The following BANP variants were observed in gnomAD, a reference collection of about 807,000 sequenced individuals.
The protein encoded by BANP is protein BANP.
In BANP, 11 loss-of-function variants were observed where a neutral mutation model predicts 68.1. The ratio of observed to expected loss-of-function variants is 0.16; its 90% CI spans 0.10 to 0.27. BANP has a LOEUF of 0.27. Ranked by LOEUF, BANP falls within the 10% of genes least tolerant of loss-of-function variation. The probability of loss-of-function intolerance (pLI) is 1.00; values close to 1 mark genes in which losing one functional copy is unlikely to be tolerated. For missense variants in BANP, 504 were observed against 722.7 expected, an observed-to-expected ratio of 0.70 and a Z score of 3.47; for synonymous variants, 329 against 303.2, an observed-to-expected ratio of 1.09 and a Z score of -0.88.
At chr16:87,988,255 T>A (rs1598151329) in intron 4 of BANP, among the ~76,000 whole-genome samples, 1 of 151,826 alleles carries the variant, frequency 6.6e-6, no homozygotes, top group Non-Finnish European at 1.5e-5. Context: ...CTTCTATGGA[T>A]TATTTATTTT....
At chr16:88,021,573 CG>C (rs1311450844) in intron 7 of BANP, among the ~76,000 whole-genome samples, 1 of 152,228 alleles carries the variant, frequency 6.6e-6, no homozygotes, top group Non-Finnish European at 1.5e-5. Context: ...CGTGCTTAGA[CG>C]GAATTGCTGA....
chr16:87,973,493 G>T (rs2145699155), intron 1 of BANP, among the ~76,000 whole-genome samples: 1 of 152,262 alleles, frequency 6.6e-6, no homozygotes, highest in East Asian at 1.9e-4. Context: ...GGGCGCGGTG[G>T]CTCACGCCTG....
At chr16:87,953,534 C>G (rs1274479217) in intron 1 of BANP, among the ~76,000 whole-genome samples, 2 of 152,196 alleles carry the variant, frequency 1.3e-5, no homozygotes, top group Non-Finnish European at 2.9e-5. Flanking sequence ...ACAGCCTTGT[C>G]TTTCTATTAC....
intron 11 of BANP, among the ~76,000 whole-genome samples, chr16:88,050,878 G>A (rs1477812824): frequency 2.0e-5 from 3 of 151,976 alleles, no homozygotes; most frequent in African/African-American, 7.3e-5. Flanking sequence ...ATAGAGACGG[G>A]GTTTTGCCCT....
chr16:88,019,288 G>A (rs2075328427), intron 7 of BANP, among the ~76,000 whole-genome samples: 1 of 152,136 alleles, frequency 6.6e-6, no homozygotes, highest in Non-Finnish European at 1.5e-5. Context: ...CCTTGCCAGC[G>A]TCCATGGTCC....
chr16:87,998,197 A>G (rs1188607319), intron 4 of BANP, among the ~76,000 whole-genome samples: 1 of 152,202 alleles, frequency 6.6e-6, no homozygotes, highest in African/African-American at 2.4e-5. Flanking sequence ...TCATTGGACG[A>G]ACAGAAGGAC....
rs553685090 is a variant in BANP, at chr16:87,976,594, A to G, written c.70+1409A>G. Among the ~76,000 whole-genome samples the G allele has an allele frequency of 2.0e-5, 3 of 149,918 alleles. No individual in the cohort carries two copies. The South Asian group carries it at 6.3e-4, about 32-fold the overall frequency. ...CAGTTGCCTGGTTATTCTTTCAGGA[A>G]TGTTTGAATTGAAATGCTCACAATT... On this transcript the variant is annotated intron_variant, in intron 2 of 13. Coordinates refer to ENST00000682872, the MANE Select transcript of BANP (RefSeq NM_001386991.1).
At chr16:88,029,504 G>A (rs1342193492) in intron 8 of BANP, among the ~76,000 whole-genome samples, 2 of 151,600 alleles carry the variant, frequency 1.3e-5, no homozygotes, top group Admixed American at 6.6e-5. Flanking sequence ...CCAGCTACTC[G>A]GGAGGCTGAG....
intron 6 of BANP, among the ~76,000 whole-genome samples, chr16:88,010,875 G>A (rs1567743211): frequency 8.8e-6 from 1 of 113,052 alleles, no homozygotes; most frequent in Non-Finnish European, 1.8e-5. Flanking sequence ...CACACACCTC[G>A]CAGTGCACGG....
chr16:87,964,551 G>A (rs567953144), intron 1 of BANP, among the ~76,000 whole-genome samples: 157 of 152,286 alleles, frequency 1.0e-3, no homozygotes, highest in South Asian at 1.9e-3. Context: ...TGAGCGTGGC[G>A]GGGAGGAGAG....
intron 3 of BANP, among the ~76,000 whole-genome samples, chr16:87,982,205 C>T (rs367713909): frequency 6.6e-6 from 1 of 152,196 alleles, no homozygotes; most frequent in Non-Finnish European, 1.5e-5. Flanking sequence ...GCACATAGAA[C>T]AGAAATGTAT....
intron 1 of BANP, among the ~76,000 whole-genome samples, chr16:87,972,134 C>G (rs1033767548): frequency 6.6e-6 from 1 of 152,114 alleles, no homozygotes; most frequent in Non-Finnish European, 1.5e-5. Flanking sequence ...TATGTTGGGT[C>G]TTCTTTTCCT....
chr16:88,010,719 G>A (rs2072831962), intron 6 of BANP, among the ~76,000 whole-genome samples: 1 of 152,204 alleles, frequency 6.6e-6, no homozygotes, highest in African/African-American at 2.4e-5. Flanking sequence ...CACACACATC[G>A]CAGTCCACGG....
At chr16:88,052,715 T>C (rs929400516) in intron 11 of BANP, among the ~76,000 whole-genome samples, 4 of 151,758 alleles carry the variant, frequency 2.6e-5, no homozygotes, top group African/African-American at 7.3e-5. Flanking sequence ...TCCATCATCA[T>C]CACCAACCCA....
chr16:88,030,424 G>C (rs1470631915), intron 8 of BANP, among the ~76,000 whole-genome samples: 1 of 152,208 alleles, frequency 6.6e-6, no homozygotes, highest in Non-Finnish European at 1.5e-5. Context: ...TTGTTGCCAG[G>C]CTTGCCTTCC....
chr16:88,059,656 GA>G (rs1263378902), intron 11 of BANP, among the ~76,000 whole-genome samples: 2 of 152,106 alleles, frequency 1.3e-5, no homozygotes, highest in Non-Finnish European at 2.9e-5. Context: ...CACCACAGAT[GA>G]AGCTTTTTGC....
intron 8 of BANP, 25 bp downstream of exon 8, chr16:88,027,675 C>G (rs1269346011): frequency 6.2e-7 from 1 of 1,611,106 alleles, no homozygotes; most frequent in South Asian, 1.1e-5. Flanking sequence ...GCAGGAGAGG[C>G]CGCCCTCCCC....
intron 2 of BANP, among the ~76,000 whole-genome samples, chr16:87,976,608 A>G (rs1041034370): frequency 1.3e-5 from 2 of 151,512 alleles, no homozygotes; most frequent in African/African-American, 2.4e-5. Context: ...TTGAATTGAA[A>G]TGCTCACAAT....
rs2079466852 is a variant in BANP at position 88,036,763 on chromosome 16, G to T, written c.1273-1210G>T. 6.6e-6 allele frequency among the ~76,000 whole-genome samples: 1 copy of T among 152,326 alleles called. No individual in the cohort carries two copies. The highest frequency in any genetic ancestry group is 2.4e-5 in the African/African-American group (1 of 41,572). On this transcript the variant is annotated intron_variant, in intron 10 of 13. Coordinates refer to ENST00000682872, the MANE Select transcript of BANP (RefSeq NM_001386991.1). This position sits in a 1 kb window ranked among gnomAD's most constrained non-coding sequence, Gnocchi z 4.2. ...TGGATGGATGGAAGGAAGCAGCAGG[G>T]CGGGGAGCAGGTAGGGGACGGTCCC...
Sources: allele counts gnomAD v4.1 joint callset (sites outside exome capture counted in the v4.1 genomes callset), GRCh38; gene constraint gnomAD v4.1.1; non-coding constraint Gnocchi (gnomAD v3.1); transcripts MANE v1.5; gene names NCBI Gene and HGNC (gene_info 2026-07-23, HGNC 2026-07-21).